Variants in SIK2 observed in about 807,000 individuals in gnomAD.
SIK2 encodes the protein salt inducible kinase 2, also known as serine/threonine-protein kinase SIK2.
In SIK2, 29 loss-of-function variants were observed where a neutral mutation model predicts 103.2. The ratio of observed to expected loss-of-function variants is 0.28; its 90% CI spans 0.21 to 0.38. The LOEUF (loss-of-function observed/expected upper bound fraction) is 0.38, where lower values mean the gene tolerates loss of function less well. SIK2 is among the 10% of genes least tolerant of loss of function. The pLI, the probability that SIK2 is intolerant of heterozygous loss-of-function variation, is 1.00. For missense variants in SIK2, 879 were observed against 1,171.0 expected (o/e 0.75, Z 3.64); for synonymous variants, 412 against 446.1 (o/e 0.92, Z 0.96).
chr11:111,616,484 A>G (rs922264349), intron 2 of SIK2, 125 bp downstream of exon 2: 7 of 638,918 alleles, frequency 1.1e-5, no homozygotes, highest in Non-Finnish European at 1.9e-5. Flanking sequence ...GCTATTTGTT[A>G]CTAAGTACAC....
At chr11:111,657,913 G>A (rs982625365) in intron 3 of SIK2, among the ~76,000 whole-genome samples, 6 of 151,984 alleles carry the variant, frequency 3.9e-5, no homozygotes, top group African/African-American at 1.4e-4. Flanking sequence ...GAATAAAATG[G>A]GCTGCAACTA....
intron 6 of SIK2, 123 bp from the exon 7 acceptor site, chr11:111,703,080 C>G (rs1199829876): frequency 2.6e-6 from 2 of 765,576 alleles, no homozygotes; most frequent in Non-Finnish European, 4.2e-6. Context: ...ATTCATTTGA[C>G]CTTCTGCTTT....
Position 111,719,790 on chromosome 11 carries a change from C to T in SIK2, c.1282C>T (p.Leu428Phe). The T allele has an allele frequency of 6.2e-7, 1 of 1,613,934 alleles. No homozygotes were observed. Among genetic ancestry groups the T allele is most frequent in the South Asian group, 1.1e-5 (1 of 90,974 alleles). The change falls in exon 10 of 15, where the codon CTT becomes TTT. Residue 428 changes from leucine (L) to phenylalanine (F), a missense_variant. Leu to Phe is a conservative substitution (Grantham distance 22). Transcript: ENST00000304987. ...TGGCGTTTAGGTCAATGGCTGTCTG[C>T]TTGACCCTGTGCCTCCTGTCCTGGT... ...VDTPKVNGCL[L>F]DPVPPVLVRK...
chr11:111,670,492 G>A (rs556179061), intron 3 of SIK2, among the ~76,000 whole-genome samples: 2 of 152,292 alleles, frequency 1.3e-5, no homozygotes, highest in African/African-American at 2.4e-5. Context: ...AGCTTGTCTG[G>A]TTAATAGACA....
chr11:111,623,166 C>T (rs1038509967), intron 3 of SIK2, among the ~76,000 whole-genome samples: 34 of 152,148 alleles, frequency 2.2e-4, no homozygotes, highest in African/African-American at 8.2e-4. Flanking sequence ...ATCTTTTCTT[C>T]TGCCATTAAT....
In SIK2 at chr11:111,620,328, T is replaced by C. The variant is rs746658702; in HGVS notation, c.253-11T>C. The C allele has an allele frequency of 1.3e-6, 2 of 1,539,696 alleles. No homozygotes were observed. The highest frequency in any genetic ancestry group is 1.9e-5 in the Admixed American group (1 of 53,260). On this transcript the variant is annotated splice_polypyrimidine_tract_variant and intron_variant, in intron 2 of 14. Coordinates refer to ENST00000304987, the MANE Select transcript of SIK2 (RefSeq NM_015191.3). ...TTTCTGTCAGACTAATATGGAATTA[T>C]TTATCAATAGGTAATGGAGACCAAA...
chr11:111,649,527 CTT>C (rs1942301464), intron 3 of SIK2, among the ~76,000 whole-genome samples: 1 of 151,928 alleles, frequency 6.6e-6, no homozygotes. Flanking sequence ...TACCAGGAGA[CTT>C]GTGTAATTAT....
intron 3 of SIK2, among the ~76,000 whole-genome samples, chr11:111,655,424 T>C (rs903459599): frequency 6.6e-6 from 1 of 152,140 alleles, no homozygotes; most frequent in Non-Finnish European, 1.5e-5. Flanking sequence ...AGAAAAAATA[T>C]GTTTCTCTTC....
Position 111,720,978 on chromosome 11 carries a change from G to A in SIK2, c.1860G>A (p.Leu620=). The A allele has an allele frequency of 1.9e-6, 3 of 1,614,184 alleles. No homozygotes were observed. Among genetic ancestry groups the A allele is most frequent in the Non-Finnish European group, 2.5e-6 (3 of 1,180,032 alleles). ...TAGAGTTGAACAAAGTGCAGTTGTTGTATGAACAAATAGGACCGGAGGCAG... is the reference window on the plus strand; with the variant it reads ...TAGAGTTGAACAAAGTGCAGTTGTTATATGAACAAATAGGACCGGAGGCAG... ...GILELNKVQL[L]YEQIGPEADP... is the part of the protein sequence containing the mutation. The change falls in exon 12 of 15, where the codon TTG becomes TTA. Residue 620 remains leucine (L), a synonymous_variant. Coordinates refer to ENST00000304987, the MANE Select transcript of SIK2 (RefSeq NM_015191.3).
chr11:111,654,190 C>A (rs1469609582), intron 3 of SIK2, among the ~76,000 whole-genome samples: 1 of 152,140 alleles, frequency 6.6e-6, no homozygotes, highest in Non-Finnish European at 1.5e-5. Flanking sequence ...ATAAGTGCAT[C>A]TGAAGGGGAG....
At chr11:111,603,509 ACTG>A (rs1269493135) in intron 1 of SIK2, among the ~76,000 whole-genome samples, 4 of 151,986 alleles carry the variant, frequency 2.6e-5, no homozygotes, top group Non-Finnish European at 5.9e-5. Context: ...AAAGCCCTCA[ACTG>A]CTTCCTGACG....
At chr11:111,670,698 A>G (rs912950941) in intron 3 of SIK2, among the ~76,000 whole-genome samples, 2 of 152,230 alleles carry the variant, frequency 1.3e-5, no homozygotes, top group Non-Finnish European at 1.5e-5. Context: ...TAAAAGAATC[A>G]TAATTTTTTC....
rs1312573978 is a variant in SIK2, at chr11:111,633,879, T to C, written c.316+13477T>C. Among the ~76,000 whole-genome samples, 5 of 152,322 alleles carry C rather than the reference T, an allele frequency of 3.3e-5. No homozygotes were observed. In the East Asian group the frequency reaches 9.6e-4, roughly 29 times the overall value. On this transcript the variant is annotated intron_variant, in intron 3 of 14. Coordinates refer to ENST00000304987, the MANE Select transcript of SIK2 (RefSeq NM_015191.3). ...TGCTTAAGAGTCCTTGGGTTATTTA[T>C]GAGTACAATAAGGCCTTAACTACAT...
chr11:111,608,129 A>G (rs1461610644), intron 1 of SIK2, among the ~76,000 whole-genome samples: 1 of 152,196 alleles, frequency 6.6e-6, no homozygotes, highest in Non-Finnish European at 1.5e-5. Context: ...AATAAATTAT[A>G]TAAAACTTTC....
intron 8 of SIK2, among the ~76,000 whole-genome samples, chr11:111,711,515 T>C (rs1365480157): frequency 6.6e-6 from 1 of 152,202 alleles, no homozygotes; most frequent in Non-Finnish European, 1.5e-5. Context: ...CATCAGGAGC[T>C]TTCTATAGTG....
intron 3 of SIK2, among the ~76,000 whole-genome samples, chr11:111,665,903 T>C (rs1281397562): frequency 2.0e-5 from 3 of 152,118 alleles, no homozygotes; most frequent in Non-Finnish European, 4.4e-5. Flanking sequence ...AACCTATGGT[T>C]CTGTTTTCCA....
At chr11:111,626,350 T>C (rs1941960214) in intron 3 of SIK2, among the ~76,000 whole-genome samples, 1 of 152,142 alleles carries the variant, frequency 6.6e-6, no homozygotes, top group African/African-American at 2.4e-5. Flanking sequence ...GTCATACAGC[T>C]TGAAGCCCAG....
At chr11:111,626,535 A>G (rs577048337) in intron 3 of SIK2, among the ~76,000 whole-genome samples, 2 of 152,060 alleles carry the variant, frequency 1.3e-5, no homozygotes, top group South Asian at 2.1e-4. Context: ...CCCCATCTCT[A>G]TAACCACTGT....
chr11:111,643,857 G>A (rs570032631), intron 3 of SIK2, among the ~76,000 whole-genome samples: 2 of 152,036 alleles, frequency 1.3e-5, no homozygotes, highest in East Asian at 3.9e-4. Context: ...GTGCTGTGCA[G>A]CTGTAGCCCC....
Sources: allele counts gnomAD v4.1 joint callset (sites outside exome capture counted in the v4.1 genomes callset), GRCh38; gene constraint gnomAD v4.1.1; transcripts MANE v1.5; gene names NCBI Gene and HGNC (gene_info 2026-07-23, HGNC 2026-07-21).